The following ZNF100 variants were observed in gnomAD, a reference collection of about 807,000 sequenced individuals.
ZNF100 encodes the protein zinc finger protein 100, also known as zinc finger protein 100 (Y1).
Under a neutral mutation model 15.8 loss-of-function variants are expected in ZNF100, and 12 were observed. The ratio of observed to expected loss-of-function variants is 0.76; its 90% confidence interval spans 0.49 to 1.23. The LOEUF (loss-of-function observed/expected upper bound fraction) is 1.23, where lower values mean the gene tolerates loss of function less well. Among genes scored for constraint, ZNF100 ranks in the 50% most tolerant of loss-of-function variants. ZNF100 has a pLI of 0.00. For missense variants in ZNF100, 670 were observed against 635.6 expected, an observed-to-expected ratio of 1.05 and a Z score of -0.58; for synonymous variants, 226 against 214.8, an observed-to-expected ratio of 1.05 and a Z score of -0.45.
Position 21,760,599 on chromosome 19 carries a change from C to G in ZNF100, c.96+5095G>C, listed in dbSNP as rs563343743. ...CTTGTCAATTTTTTTTTTACTGTAACTGCCCTAAGACTTTGCCATCCAGAC... is the reference window on the plus strand; with the variant it reads ...CTTGTCAATTTTTTTTTTACTGTAAGTGCCCTAAGACTTTGCCATCCAGAC... On this transcript the variant is annotated intron_variant, in intron 2 of 4. Transcript: ENST00000358296. 3.9e-3 allele frequency among the ~76,000 whole-genome samples: 599 copies of G among 152,010 alleles called. 4 individuals are homozygous for G. Among genetic ancestry groups the G allele is most frequent in the Middle Eastern group, 0.014 (4 of 294 alleles).
intron 4 of ZNF100, among the ~76,000 whole-genome samples, chr19:21,733,708 C>T (rs1323792533): frequency 1.3e-5 from 2 of 152,278 alleles, no homozygotes; most frequent in African/African-American, 4.8e-5. Flanking sequence ...AAGAAGCAGC[C>T]AGAGTGCCTT....
rs115301818 is a variant in ZNF100, at chr19:21,729,394, A to G, written c.323-1405T>C. On this transcript the variant is annotated intron_variant, in intron 4 of 4. Transcript: ENST00000358296. Reference sequence around the variant, plus strand: ...TATTGAAAATAACATGATTCAACAAAAACAACACAGTCAAATAAAAATACA... The same window carrying G: ...TATTGAAAATAACATGATTCAACAAGAACAACACAGTCAAATAAAAATACA... 4.0e-3 allele frequency among the ~76,000 whole-genome samples: 599 copies of G among 151,628 alleles called. 4 individuals carry two copies. The highest frequency in any genetic ancestry group is 0.014 in the African/African-American group (585 of 41,380).
At chr19:21,728,093 A>C in intron 4 of ZNF100, 104 bp from the exon 5 acceptor site, 1 of 1,102,938 alleles carries the variant, frequency 9.1e-7, no homozygotes, top group Non-Finnish European at 1.2e-6. Context: ...GCATAGGAAA[A>C]TACCAAAGGC....
At position 21,757,912 on chromosome 19, in the gene ZNF100, C is replaced by T. The variant is rs117922984; in HGVS notation, c.96+7782G>A. Among the ~76,000 whole-genome samples, 29 of 152,168 alleles carry T rather than the reference C, an allele frequency of 1.9e-4. No homozygotes were observed. In the East Asian group the frequency reaches 5.2e-3, roughly 27 times the overall value. On this transcript the variant is annotated intron_variant, in intron 2 of 4. Coordinates refer to ENST00000358296, the MANE Select transcript of ZNF100 (RefSeq NM_173531.4). The stretch of plus-strand genomic sequence containing the variant: ...ATTAGGCAGACATGGTAGTGTGTGC[C>T]TGTAGTCCCAGTTACTTAATGGGCT...
At chr19:21,759,819 T>G (rs754327151) in intron 2 of ZNF100, among the ~76,000 whole-genome samples, 21 of 152,134 alleles carry the variant, frequency 1.4e-4, no homozygotes, top group Non-Finnish European at 8.8e-5. Context: ...TACCATAAAA[T>G]TAAGAAATAA....
chr19:21,748,206 C>T (rs2036244245), intron 2 of ZNF100, among the ~76,000 whole-genome samples: 1 of 152,090 alleles, frequency 6.6e-6, no homozygotes, highest in African/African-American at 2.4e-5. Context: ...TCTTATTTAT[C>T]TGCTTTTGGG....
At chr19:21,767,115 A>C (rs1484346580) in intron 1 of ZNF100, among the ~76,000 whole-genome samples, 1 of 152,256 alleles carries the variant, frequency 6.6e-6, no homozygotes, top group African/African-American at 2.4e-5. Context: ...ACCCCGAGTC[A>C]GGATTTTCCC....
At chr19:21,752,086 T>C (rs536841458) in intron 2 of ZNF100, 4 of 210,240 alleles carry the variant, frequency 1.9e-5, no homozygotes, top group Admixed American at 5.6e-5. Flanking sequence ...TAGAAAAGAA[T>C]GGGACCTTGT....
chr19:21,758,432 A>T (rs1479456528), intron 2 of ZNF100, among the ~76,000 whole-genome samples: 2 of 152,158 alleles, frequency 1.3e-5, no homozygotes, highest in Non-Finnish European at 2.9e-5. Flanking sequence ...AAGAAAATCC[A>T]TGGGTGGGGA....
chr19:21,745,807 C>G (rs941739249), intron 2 of ZNF100, among the ~76,000 whole-genome samples: 2 of 152,214 alleles, frequency 1.3e-5, no homozygotes, highest in Non-Finnish European at 2.9e-5. Flanking sequence ...CAGGCGTGAG[C>G]CACCACGCCC....
intron 2 of ZNF100, among the ~76,000 whole-genome samples, chr19:21,746,643 T>G (rs2036216234): frequency 6.6e-6 from 1 of 151,936 alleles, no homozygotes; most frequent in African/African-American, 2.4e-5. Flanking sequence ...TAGAGAAGGC[T>G]CTAGTACATA....
chr19:21,764,381 T>C (rs1168169556), intron 2 of ZNF100, among the ~76,000 whole-genome samples: 3 of 152,126 alleles, frequency 2.0e-5, no homozygotes, highest in East Asian at 1.9e-4. Context: ...TGGTGGCTCA[T>C]GCTTGTAATT....
chr19:21,764,062 T>G (rs1363516002), intron 2 of ZNF100, among the ~76,000 whole-genome samples: 1 of 152,190 alleles, frequency 6.6e-6, no homozygotes, highest in Non-Finnish European at 1.5e-5. Flanking sequence ...TTTCCAGGAC[T>G]CTGTAGCTTC....
chr19:21,741,841 A>C (rs2036115126), intron 4 of ZNF100, among the ~76,000 whole-genome samples: 2 of 152,036 alleles, frequency 1.3e-5, no homozygotes, highest in Non-Finnish European at 1.5e-5. Flanking sequence ...CATGCCTGGC[A>C]ATTTTTTAAA....
rs2035777363 is a variant in ZNF100, at chr19:21,726,052, TCA to T, written c.*629_*630del. 6.6e-6 allele frequency: 1 copy of T among 152,172 alleles called. No individual in the cohort carries two copies. The highest frequency in any genetic ancestry group is 2.4e-5 in the African/African-American group (1 of 41,448). 9.4% of individuals were successfully genotyped at this position (152,172 alleles called of 1,614,324 possible). ...ATTGAACAAAGTTTGAGCAACTGCT[TCA>T]GAGGTTTCCTCTAATACAAAACGTG... On this transcript the variant is annotated 3_prime_UTR_variant, in exon 5 of 5. Coordinates refer to ENST00000358296, the MANE Select transcript of ZNF100 (RefSeq NM_173531.4).
rs547456190 is a variant in ZNF100, at chr19:21,737,211, T to C, written c.322+6806A>G. On this transcript the variant is annotated intron_variant, in intron 4 of 4. Transcript: ENST00000358296. Reference sequence around the variant, plus strand: ...ACAATAAAAAATGATAAAGCAGATATCAGCACTGACCCTACATTAATACAA... The same window carrying C: ...ACAATAAAAAATGATAAAGCAGATACCAGCACTGACCCTACATTAATACAA... Among the ~76,000 whole-genome samples the C allele has an allele frequency of 8.9e-4, 136 of 151,968 alleles. 1 individual carries two copies. Among genetic ancestry groups the C allele is most frequent in the African/African-American group, 3.1e-3 (130 of 41,478 alleles).
chr19:21,735,958 T>A (rs908189300), intron 4 of ZNF100, among the ~76,000 whole-genome samples: 8 of 151,926 alleles, frequency 5.3e-5, no homozygotes, highest in Admixed American at 3.9e-4. Context: ...TCGGCTAGTA[T>A]TTTGTATTTT....
At chr19:21,759,813 A>G (rs2036451133) in intron 2 of ZNF100, among the ~76,000 whole-genome samples, 2 of 152,228 alleles carry the variant, frequency 1.3e-5, no homozygotes, top group Non-Finnish European at 2.9e-5. Context: ...CTTGTTTACC[A>G]TAAAATTAAG....
At chr19:21,751,419 G>T in intron 2 of ZNF100, 1 of 836,472 alleles carries the variant, frequency 1.2e-6, no homozygotes, top group Non-Finnish European at 2.1e-6. Flanking sequence ...TTTATTTACA[G>T]ATTTGTTCAT....
Sources: allele counts gnomAD v4.1 joint callset (sites outside exome capture counted in the v4.1 genomes callset), GRCh38; gene constraint gnomAD v4.1.1; transcripts MANE v1.5; gene names NCBI Gene and HGNC (gene_info 2026-07-23, HGNC 2026-07-21).